Variants in MEGF11 observed in about 807,000 individuals in gnomAD.
The protein encoded by MEGF11 is multiple epidermal growth factor-like domains protein 11.
A neutral mutation model predicts 146.6 loss-of-function variants in MEGF11; 126 were observed. The ratio of observed to expected loss-of-function variants is 0.86; its 90% CI spans 0.74 to 1.00. MEGF11 has a LOEUF of 1.00. Among genes scored for constraint, MEGF11 ranks in the 50% least tolerant of loss-of-function variants. MEGF11 has a pLI of 0.00. For missense variants in MEGF11, 1,509 were observed against 1,521.2 expected (o/e 0.99, Z 0.13); for synonymous variants, 532 against 583.4 (o/e 0.91, Z 1.27).
At position 65,904,231 on chromosome 15, in the gene MEGF11, C is replaced by T. The variant is rs1048940645; in HGVS notation, c.3055+1854G>A. On this transcript the variant is annotated intron_variant, in intron 24 of 25. Transcript: ENST00000395614. ...TGCGTGTTCTTCAGCTAGAAAGGCC[C>T]TTAGAGAGCTTTCTGCCCAATCCTT... Among the ~76,000 whole-genome samples, 11 of 152,240 alleles carry T rather than the reference C, an allele frequency of 7.2e-5. 1 individual carries two copies. Among genetic ancestry groups the T allele is most frequent in the African/African-American group, 2.6e-4 (11 of 41,544 alleles).
chr15:66,155,367 C>A (rs529090967), intron 1 of MEGF11, among the ~76,000 whole-genome samples: 1 of 152,112 alleles, frequency 6.6e-6, no homozygotes, highest in Non-Finnish European at 1.5e-5. Context: ...GGAAAGAGGC[C>A]GGGTGAACCC....
intron 5 of MEGF11, among the ~76,000 whole-genome samples, chr15:66,051,590 C>T (rs1252283231): frequency 6.6e-6 from 1 of 152,214 alleles, no homozygotes; most frequent in Admixed American, 6.5e-5. Context: ...GCATTCCGCC[C>T]AGCCACTTCA....
At chr15:66,065,243 C>T (rs1351757522) in intron 5 of MEGF11, among the ~76,000 whole-genome samples, 1 of 149,334 alleles carries the variant, frequency 6.7e-6, no homozygotes, top group Admixed American at 6.7e-5. Context: ...TTGCAGCATA[C>T]ACAATAAGCT....
intron 5 of MEGF11, among the ~76,000 whole-genome samples, chr15:66,027,902 G>C (rs916275014): frequency 6.6e-6 from 1 of 152,182 alleles, no homozygotes; most frequent in East Asian, 1.9e-4. Flanking sequence ...TTGGGCCTCA[G>C]CTTCCTCATC....
At chr15:66,015,633 CAT>C (rs2140137488) in intron 5 of MEGF11, among the ~76,000 whole-genome samples, 1 of 152,284 alleles carries the variant, frequency 6.6e-6, no homozygotes, top group East Asian at 1.9e-4. Flanking sequence ...TGAGAACACA[CAT>C]AGCAAGCTCC....
At chr15:66,152,591 G>A (rs74019503) in intron 1 of MEGF11, among the ~76,000 whole-genome samples, 5,941 of 152,338 alleles carry the variant, frequency 0.039, 127 homozygotes, top group East Asian at 0.072. Context: ...TCATCCCTTG[G>A]CCCAGTGGGG....
intron 5 of MEGF11, among the ~76,000 whole-genome samples, chr15:66,091,104 G>A (rs1208156404): frequency 1.3e-5 from 2 of 152,096 alleles, no homozygotes; most frequent in Admixed American, 6.5e-5. Context: ...CAAAACCAAA[G>A]CTTCTCTGAA....
chr15:65,914,328 T>TCC (rs1314740241), intron 19 of MEGF11, among the ~76,000 whole-genome samples: 2 of 152,206 alleles, frequency 1.3e-5, no homozygotes, highest in African/African-American at 4.8e-5. Context: ...TATCAAAAGG[T>TCC]TAGGTAATGT....
chr15:66,229,342 A>G (rs138111217), intron 1 of MEGF11, among the ~76,000 whole-genome samples: 150 of 152,146 alleles, frequency 9.9e-4, no homozygotes, highest in African/African-American at 3.3e-3. Flanking sequence ...CCGGTGGGCC[A>G]TGGCGACCTG....
intron 1 of MEGF11, among the ~76,000 whole-genome samples, chr15:66,158,106 G>T (rs906622959): frequency 6.6e-6 from 1 of 152,210 alleles, no homozygotes; most frequent in Non-Finnish European, 1.5e-5. Flanking sequence ...GAAAATGTAT[G>T]TGGCTGCAGA....
At chr15:65,909,894 C>A (rs1231420389) in intron 21 of MEGF11, 88 bp from the exon 22 acceptor site, 10 of 1,182,854 alleles carry the variant, frequency 8.5e-6, no homozygotes, top group Non-Finnish European at 1.2e-5. Context: ...AGTGCACACA[C>A]CCTGTAATAA....
chr15:65,920,905 G>A (rs753285688), intron 15 of MEGF11, among the ~76,000 whole-genome samples: 3 of 152,178 alleles, frequency 2.0e-5, no homozygotes, highest in Non-Finnish European at 4.4e-5. Context: ...GTTACTCCTC[G>A]GGCTGCATGG....
intron 1 of MEGF11, among the ~76,000 whole-genome samples, chr15:66,242,755 C>T (rs1332268051): frequency 6.6e-6 from 1 of 152,188 alleles, no homozygotes; most frequent in African/African-American, 2.4e-5. Context: ...TCGAGGTCCT[C>T]TCCCACCTGG....
At chr15:66,043,335 A>C (rs1202922127) in intron 5 of MEGF11, among the ~76,000 whole-genome samples, 1 of 152,198 alleles carries the variant, frequency 6.6e-6, no homozygotes, top group Admixed American at 6.5e-5. Flanking sequence ...AATCAGATCA[A>C]AGAACAGGGC....
chr15:65,931,281 G>T (rs909676313), intron 10 of MEGF11, among the ~76,000 whole-genome samples: 2 of 152,168 alleles, frequency 1.3e-5, no homozygotes, highest in African/African-American at 4.8e-5. Flanking sequence ...AAGGGGCCAC[G>T]AGCTGAGGAA....
rs868748322 is a variant in MEGF11 at position 66,076,690 on chromosome 15, C to T, written c.394+17712G>A. ...AGTAAGGCTGTACCAGGATATCTCC[C>T]TGGCTGCACCAGGAAAGGCAGAGGG... On this transcript the variant is annotated intron_variant, in intron 5 of 25. Transcript: ENST00000395614. 2.0e-5 allele frequency among the ~76,000 whole-genome samples: 3 copies of T among 152,324 alleles called. No homozygotes were observed. In the South Asian group the frequency reaches 6.2e-4, roughly 32 times the overall value.
At chr15:65,954,849 C>G (rs906883606) in intron 10 of MEGF11, among the ~76,000 whole-genome samples, 1 of 152,128 alleles carries the variant, frequency 6.6e-6, no homozygotes, top group African/African-American at 2.4e-5. Context: ...AGTAGGCAGG[C>G]AACTGGGGAT....
chr15:66,207,119 A>G (rs1440481562), intron 1 of MEGF11, among the ~76,000 whole-genome samples: 5 of 152,184 alleles, frequency 3.3e-5, no homozygotes, highest in African/African-American at 1.2e-4. Context: ...GAGTAGAGGA[A>G]AGGCAGAAAA....
rs1325290499 is a variant in MEGF11 at position 66,139,244 on chromosome 15, C to T, written c.-8-10833G>A. 2.6e-5 allele frequency among the ~76,000 whole-genome samples: 4 copies of T among 152,292 alleles called. No homozygotes were observed. The East Asian group carries it at 5.8e-4, about 22-fold the overall frequency. ...TTCCAGAACTTGAGCACCCTATATG[C>T]CCTCCCAAAGGAAAGACCCACTAAA... On this transcript the variant is annotated intron_variant, in intron 1 of 25. Transcript: ENST00000395614.
Sources: allele counts gnomAD v4.1 joint callset (sites outside exome capture counted in the v4.1 genomes callset), GRCh38; gene constraint gnomAD v4.1.1; transcripts MANE v1.5; gene names NCBI Gene and HGNC (gene_info 2026-07-23, HGNC 2026-07-21).